Variants in DPP7 observed in about 807,000 individuals in gnomAD.
The protein encoded by DPP7 is dipeptidyl peptidase 7, also known as dipeptidyl peptidase 2.
A neutral mutation model predicts 58.8 loss-of-function variants in DPP7; 74 were observed. The observed-to-expected ratio is 1.26, with a 90% CI of 1.04 to 1.53. The LOEUF (loss-of-function observed/expected upper bound fraction) is 1.53, where lower values mean the gene tolerates loss of function less well. Among genes scored for constraint, DPP7 ranks in the 40% most tolerant of loss-of-function variants. The pLI is 0.00. For synonymous variants in DPP7, 350 were observed against 303.6 expected, an observed-to-expected ratio of 1.15 and a Z score of -1.59; for missense variants, 807 against 692.3, an observed-to-expected ratio of 1.17 and a Z score of -1.86.
At chr9:137,113,548 CTT>C in intron 4 of DPP7, 52 bp from the exon 5 acceptor site, 1 of 1,507,666 alleles carries the variant, frequency 6.6e-7, no homozygotes, top group Non-Finnish European at 8.9e-7. Flanking sequence ...CCCATTTCCT[CTT>C]TTCCTCCTCA....
rs369333865 is a variant in DPP7, at chr9:137,113,361, C to A, written c.621G>T (p.Ala207=). The A allele has an allele frequency of 1.2e-5, 20 of 1,611,372 alleles. No individual in the cohort carries two copies. The highest frequency in any genetic ancestry group is 1.6e-5 in the Non-Finnish European group (19 of 1,178,706). The change falls in exon 5 of 13, where the codon GCG becomes GCT. Residue 207 remains alanine, a splice_region_variant and synonymous_variant. Transcript: ENST00000371579. ...CTGGAGGACCCCAAGCCTCACTCAC[C>A]GCCGTGACGTCCCGGAAGAACTGGT... ...DSNQFFRDVT[A]DFEGQSPKCT...
rs376163075 is a variant in DPP7 at position 137,113,109 on chromosome 9, C to A, written c.714G>T (p.Thr238=). The change falls in exon 7 of 13, where the codon ACG becomes ACT. Residue 238 remains threonine (T), a synonymous_variant. Coordinates refer to ENST00000371579, the MANE Select transcript of DPP7 (RefSeq NM_013379.3). ...KDLFLQGAYD[T]VRWEFGTCQP... is the part of the protein sequence containing the mutation. ...GGCAGGTGCCGAACTCCCAGCGGAC[C>A]GTGTCGTAGGCTGCGTGGAAGGGGC... 1 of 1,613,740 alleles carries A rather than the reference C, an allele frequency of 6.2e-7. No homozygotes were observed. The highest frequency in any genetic ancestry group is 8.5e-7 in the Non-Finnish European group (1 of 1,180,014).
chr9:137,112,304 C>G (rs1831412520), intron 8 of DPP7, 74 bp from the exon 9 acceptor site: 3 of 1,264,530 alleles, frequency 2.4e-6, no homozygotes, highest in African/African-American at 1.5e-5. Context: ...AACCTGTCCC[C>G]CCTCGGAATG....
At chr9:137,113,531 C>G in intron 4 of DPP7, 35 bp from the exon 5 acceptor site, 4 of 1,516,866 alleles carry the variant, frequency 2.6e-6, no homozygotes, top group Non-Finnish European at 3.5e-6. Context: ...GCTGCTGCCC[C>G]CAACACCCCA....
At position 137,114,666 on chromosome 9, in the gene DPP7, C is replaced by G. The variant is rs1220641931; in HGVS notation, c.48G>C (p.Leu16=). 7.3e-6 allele frequency: 10 copies of G among 1,363,856 alleles called. No homozygotes were observed. Among genetic ancestry groups the G allele is most frequent in the Non-Finnish European group, 9.4e-6 (10 of 1,059,968 alleles). The allele number at this position is 1,363,856 out of a possible 1,614,324, so 84.5% of individuals were successfully genotyped here. ...ACTCACCCCCCGCCTGGAGGCCGCG[C>G]AGCCCGAGCGCCAGCAGCAGGACCG... ...WAPVLLLALG[L]RGLQAGARRA... The change falls in exon 1 of 13, where the codon CTG becomes CTC. Residue 16 remains leucine (L), a synonymous_variant. Coordinates refer to ENST00000371579, the MANE Select transcript of DPP7 (RefSeq NM_013379.3).
chr9:137,114,930 C>CG, upstream of DPP7: 1 of 339,478 alleles, frequency 2.9e-6, no homozygotes, highest in Non-Finnish European at 5.3e-6. Flanking sequence ...AGAGGGCCCC[C>CG]GGGCCATCTC....
Position 137,112,415 on chromosome 9 carries a change from C to T in DPP7, c.932-185G>A, listed in dbSNP as rs551010529. On this transcript the variant is annotated intron_variant, in intron 8 of 12. Transcript: ENST00000371579. Reference sequence around the variant, plus strand: ...TCGGCGGTGTCTGTGCTGCCAGCCCCGGGCCTGACTGTTGAGGGCCCCCCC... The same window carrying T: ...TCGGCGGTGTCTGTGCTGCCAGCCCTGGGCCTGACTGTTGAGGGCCCCCCC... 1.8e-4 allele frequency: 116 copies of T among 633,790 alleles called. 1 individual carries two copies. Among genetic ancestry groups the T allele is most frequent in the African/African-American group, 9.0e-4 (49 of 54,368 alleles). 39.3% of individuals were successfully genotyped at this position (633,790 alleles called of 1,614,324 possible). A position where few individuals can be genotyped will look rare whatever the true frequency, so the allele number is the denominator to read the frequency against.
chr9:137,115,360 C>T (rs1831600589), upstream of DPP7, among the ~76,000 whole-genome samples: 2 of 152,180 alleles, frequency 1.3e-5, no homozygotes, highest in Admixed American at 1.3e-4. Context: ...GGACCAGAGG[C>T]CTCTGCTGGG....
rs901361133 is a variant in DPP7, at chr9:137,114,434, G to A, written c.181+29C>T. 11 of 1,559,536 alleles carry A rather than the reference G, an allele frequency of 7.1e-6. No homozygotes were observed. In the African/African-American group the frequency reaches 1.2e-4, roughly 18 times the overall value. On this transcript the variant is annotated intron_variant, in intron 2 of 12. Transcript: ENST00000371579. Reference sequence around the variant, plus strand: ...GTGCCGGGGGGCGGCGGGACGGCGGGGGCGGCCGGGCCGGGGCCGGGGTCT... The same window carrying A: ...GTGCCGGGGGGCGGCGGGACGGCGGAGGCGGCCGGGCCGGGGCCGGGGTCT...
chr9:137,111,048 A>C, intron 11 of DPP7, 98 bp from the exon 12 acceptor site: 2 of 1,205,126 alleles, frequency 1.7e-6, no homozygotes, highest in Non-Finnish European at 2.4e-6. Flanking sequence ...GCGAGCCGAG[A>C]CTCAGTGCCC....
At chr9:137,112,649 C>T in intron 8 of DPP7, 96 bp downstream of exon 8, 1 of 1,432,054 alleles carries the variant, frequency 7.0e-7, no homozygotes, top group East Asian at 2.5e-5. Flanking sequence ...GGCAAAGCCC[C>T]TGGCCGGGCT....
At position 137,111,983 on chromosome 9, in the gene DPP7, T is replaced by G; in HGVS notation, c.1097A>C (p.Asp366Ala). The change falls in exon 10 of 13, where the codon GAT (aspartate) becomes GCT (alanine). Residue 366 changes from aspartate (D) to alanine (A), a missense_variant. Asp to Ala is a moderately radical substitution (Grantham distance 126). Around this residue, in one of 3 missense-constraint regions of DPP7, gnomAD observed 624 missense variants for 531.2 expected, o/e 1.17. Transcript: ENST00000371579. ...AGTGAAGGGCAGGTCCGGGAACATA[T>G]CGGTCACATTGTTGCTGGCGAAGGT... ...NLTFASNNVTDMFPDLPFTDE... is the reference protein window; with the variant it reads ...NLTFASNNVTAMFPDLPFTDE... 1 of 1,612,300 alleles carries G rather than the reference T, an allele frequency of 6.2e-7. No individual in the cohort carries two copies. The highest frequency in any genetic ancestry group is 8.5e-7 in the Non-Finnish European group (1 of 1,179,678).
chr9:137,115,509 T>C (rs1163346218), upstream of DPP7, among the ~76,000 whole-genome samples: 1 of 152,088 alleles, frequency 6.6e-6, no homozygotes, highest in Non-Finnish European at 1.5e-5. Flanking sequence ...GGGATGTACA[T>C]GGGCCGCTAG....
upstream of DPP7, among the ~76,000 whole-genome samples, chr9:137,117,399 C>T (rs1831660544): frequency 6.6e-6 from 1 of 152,248 alleles, no homozygotes; most frequent in Non-Finnish European, 1.5e-5. Context: ...CTCTGCCCAT[C>T]CCCGGAGCAG....
At position 137,112,204 on chromosome 9, in the gene DPP7, C is replaced by T. The variant is rs766273924; in HGVS notation, c.958G>A (p.Glu320Lys). ...AGLVYNASGS[E>K]HCYDIYRLYH... ...AGCCGGTAGATGTCGTAGCAGTGCT[C>T]GGAGCCCGAGGCGTTGTAGACCAGC... The change falls in exon 9 of 13, where the codon GAG (glutamate) becomes AAG (lysine). Residue 320 changes from glutamate (E) to lysine (K), a missense_variant. Physicochemically the swap from Glu to Lys is moderately conservative, Grantham distance 56. Around this residue, in one of 3 missense-constraint regions of DPP7, gnomAD observed 624 missense variants for 531.2 expected, o/e 1.17. Coordinates refer to ENST00000371579, the MANE Select transcript of DPP7 (RefSeq NM_013379.3). 38 of 1,603,334 alleles carry T rather than the reference C, an allele frequency of 2.4e-5. No individual in the cohort carries two copies. In the East Asian group the frequency reaches 2.5e-4, roughly 10 times the overall value.
chr9:137,111,528 C>T (rs760047884), intron 11 of DPP7, among the ~76,000 whole-genome samples, 162 bp downstream of exon 11: 8 of 152,154 alleles, frequency 5.3e-5, no homozygotes, highest in Non-Finnish European at 1.0e-4. Context: ...TGTTGGTGAG[C>T]GCCTGTAGTC....
chr9:137,116,442 G>T (rs1313224294), upstream of DPP7, among the ~76,000 whole-genome samples: 2 of 152,258 alleles, frequency 1.3e-5, no homozygotes, highest in African/African-American at 2.4e-5. Flanking sequence ...GGGATTTAGG[G>T]CTGTGCAGGA....
At chr9:137,116,886 T>C (rs1831654088), upstream of DPP7, among the ~76,000 whole-genome samples, 1 of 152,178 alleles carries the variant, frequency 6.6e-6, no homozygotes, top group Non-Finnish European at 1.5e-5. Context: ...TCTGCTACAC[T>C]GAGATGTTTG....
upstream of DPP7, chr9:137,114,871 C>T (rs957799828): frequency 5.4e-5 from 24 of 446,022 alleles, no homozygotes; most frequent in Non-Finnish European, 7.5e-5. Context: ...ACACCCCGCG[C>T]CCCGCGGCCG....
Sources: gnomAD v4.1 joint callset for allele counts (sites outside exome capture counted in the v4.1 genomes callset) on GRCh38, gnomAD v4.1.1 for gene constraint, gnomAD v4.1.1 regional missense constraint, MANE v1.5 for transcripts, NCBI Gene and HGNC (gene_info 2026-07-23, HGNC 2026-07-21) for gene names.